The following ADGRL1 variants were observed in gnomAD, a reference collection of about 807,000 sequenced individuals.
The protein encoded by ADGRL1 is adhesion G protein-coupled receptor L1, also known as CIRL-1.
Under a neutral mutation model 148.9 loss-of-function variants are expected in ADGRL1, and 31 were observed. The observed-to-expected ratio is 0.21, with a 90% CI of 0.16 to 0.28. The LOEUF (loss-of-function observed/expected upper bound fraction) is 0.28. Among genes scored for constraint, ADGRL1 ranks in the 10% least tolerant of loss-of-function variants. The pLI, the probability that ADGRL1 is intolerant of heterozygous loss-of-function variation, is 1.00. For synonymous variants in ADGRL1, 937 were observed against 900.3 expected, an observed-to-expected ratio of 1.04 and a Z score of -0.73; for missense variants, 1,521 against 2,058.8, an observed-to-expected ratio of 0.74 and a Z score of 5.05.
At chr19:14,195,442 A>G (rs1190230692) in intron 1 of ADGRL1, among the ~76,000 whole-genome samples, 1 of 102,342 alleles carries the variant, frequency 9.8e-6, no homozygotes, top group Non-Finnish European at 1.8e-5. Flanking sequence ...TGCGTGCTCG[A>G]GTGGGTGGGA....
chr19:14,176,624 G>T (rs1352988120), intron 3 of ADGRL1, among the ~76,000 whole-genome samples: 2 of 151,960 alleles, frequency 1.3e-5, no homozygotes, highest in Non-Finnish European at 2.9e-5. Flanking sequence ...ATTGCTTGAG[G>T]CCAGGAGTTT....
chr19:14,204,241 T>C (rs1455542459), intron 1 of ADGRL1, among the ~76,000 whole-genome samples: 1 of 152,112 alleles, frequency 6.6e-6, no homozygotes, highest in Admixed American at 6.5e-5. Context: ...CATCCTACTT[T>C]TAAGTAATAA....
At chr19:14,179,039 C>G (rs1037877028) in intron 2 of ADGRL1, among the ~76,000 whole-genome samples, 6 of 151,788 alleles carry the variant, frequency 4.0e-5, no homozygotes, top group Admixed American at 2.0e-4. Flanking sequence ...CAAAAATCAG[C>G]TGGACGTGGT....
chr19:14,197,772 T>C (rs1972354584), intron 1 of ADGRL1, among the ~76,000 whole-genome samples: 1 of 152,210 alleles, frequency 6.6e-6, no homozygotes, highest in African/African-American at 2.4e-5. Flanking sequence ...AGTACCATTG[T>C]GGGTTGGGCT....
At chr19:14,204,791 T>C (rs1478579668) in intron 1 of ADGRL1, among the ~76,000 whole-genome samples, 1 of 151,884 alleles carries the variant, frequency 6.6e-6, no homozygotes, top group Non-Finnish European at 1.5e-5. Context: ...GCAGCCATTT[T>C]GAACCCCTCC....
At chr19:14,158,133 G>A (rs1968958382) in intron 12 of ADGRL1, 81 bp from the exon 13 acceptor site, 1 of 1,457,548 alleles carries the variant, frequency 6.9e-7, no homozygotes, top group Admixed American at 1.8e-5. Flanking sequence ...CCTGGCAACA[G>A]GGATGGTACC....
Position 14,160,344 on chromosome 19 carries a change from AC to A in ADGRL1, c.1615-48del. The A allele has an allele frequency of 6.5e-7, 1 of 1,535,122 alleles. No individual in the cohort carries two copies. Among genetic ancestry groups the A allele is most frequent in the Non-Finnish European group, 8.9e-7 (1 of 1,127,964 alleles). On this transcript the variant is annotated intron_variant, in intron 7 of 22. Transcript: ENST00000361434. This position sits in a 1 kb window ranked among gnomAD's most constrained non-coding sequence, Gnocchi z 5.9. Reference sequence around the variant, plus strand: ...AGGGGGAATCCCAGGACTGTCAGGGACCATCCTGCCCTCCCCGGCTTCCCTG... The same window carrying A: ...AGGGGGAATCCCAGGACTGTCAGGGACATCCTGCCCTCCCCGGCTTCCCTG...
rs749222768 is a variant in ADGRL1 at position 14,155,470 on chromosome 19, G to A, written c.3183C>T (p.Phe1061=). The change falls in exon 18 of 23, where the codon TTC becomes TTT. Residue 1061 remains phenylalanine (F), a synonymous_variant. Coordinates refer to ENST00000361434, the MANE Select transcript of ADGRL1 (RefSeq NM_014921.5). This position sits in a 1 kb window ranked among gnomAD's most constrained non-coding sequence, Gnocchi z 5.0. Reference sequence around the variant, plus strand: ...ACTCCTTGTTGATGAAGAGGAGGCCGAAAGCCCAGGTGAGGCCCAGCAGGA... The same window carrying A: ...ACTCCTTGTTGATGAAGAGGAGGCCAAAAGCCCAGGTGAGGCCCAGCAGGA... ...LLFLLGLTWA[F]GLLFINKESV... is the part of the protein sequence containing the mutation. 40 of 1,614,062 alleles carry A rather than the reference G, an allele frequency of 2.5e-5. No individual in the cohort carries two copies. Among genetic ancestry groups the A allele is most frequent in the Admixed American group, 3.3e-5 (2 of 60,024 alleles).
rs1366756076 is a variant in ADGRL1 at position 14,159,447 on chromosome 19, G to A, written c.1977C>T (p.Asp659=). Residue 659 remains aspartate (D), a synonymous_variant, in exon 10 of 23, where the codon GAC becomes GAT. Coordinates refer to ENST00000361434, the MANE Select transcript of ADGRL1 (RefSeq NM_014921.5). The surrounding 1 kb of genome is among the most constrained non-coding windows in gnomAD (Gnocchi z 6.0). ...GGAAGCGGGCAGGCTCCCTGACATTGTCGGCCAGCAGGAAGGCGCCCTCCT... is the reference window on the plus strand; with the variant it reads ...GGAAGCGGGCAGGCTCCCTGACATTATCGGCCAGCAGGAAGGCGCCCTCCT... ...VLEEGAFLLA[D]NVREPARFLA... The A allele has an allele frequency of 6.2e-7, 1 of 1,613,154 alleles. No homozygotes were observed. Among genetic ancestry groups the A allele is most frequent in the African/African-American group, 1.3e-5 (1 of 75,026 alleles).
chr19:14,187,786 C>T (rs1034331432), intron 1 of ADGRL1, among the ~76,000 whole-genome samples: 1 of 152,100 alleles, frequency 6.6e-6, no homozygotes, highest in Non-Finnish European at 1.5e-5. Context: ...TTCCTTATTT[C>T]AACTTCCTCA....
intron 15 of ADGRL1, 93 bp downstream of exon 15, chr19:14,156,832 G>A: frequency 2.0e-6 from 3 of 1,527,130 alleles, no homozygotes; most frequent in Non-Finnish European, 2.7e-6. Context: ...TCAGGAGGAG[G>A]AAGGGACTAC....
intron 1 of ADGRL1, among the ~76,000 whole-genome samples, chr19:14,188,045 T>A (rs1971695698): frequency 6.6e-6 from 1 of 152,040 alleles, no homozygotes; most frequent in South Asian, 2.1e-4. Context: ...TGCAGTAAGC[T>A]ATGATCCTGC....
chr19:14,152,231 C>T lies in ADGRL1; in HGVS notation c.3649+78G>A. 1 of 1,613,940 alleles carries T rather than the reference C, an allele frequency of 6.2e-7. No individual in the cohort carries two copies. On this transcript the variant is annotated intron_variant, in intron 21 of 22. Transcript: ENST00000361434. This position sits in a 1 kb window ranked among gnomAD's most constrained non-coding sequence, Gnocchi z 6.1. ...AAGTCCAGGCTCCAGTTCTGGGGCA[C>T]AGAACATCCCATGCAGAGGTCCCTT...
At chr19:14,189,583 C>T (rs1175220588) in intron 1 of ADGRL1, among the ~76,000 whole-genome samples, 3 of 152,172 alleles carry the variant, frequency 2.0e-5, no homozygotes, top group African/African-American at 4.8e-5. Context: ...GGCTCACCTA[C>T]GTTCTAGCCT....
intron 18 of ADGRL1, among the ~76,000 whole-genome samples, chr19:14,153,985 G>T (rs536133126): frequency 1.0e-3 from 155 of 151,836 alleles, no homozygotes; most frequent in Middle Eastern, 3.4e-3. Flanking sequence ...AAAATAAATA[G>T]ATCAGAGGAG....
chr19:14,170,828 A>G (rs1970406216), intron 3 of ADGRL1, 37 bp from the exon 4 acceptor site: 1 of 793,524 alleles, frequency 1.3e-6, no homozygotes, highest in Non-Finnish European at 2.1e-6. Flanking sequence ...AAAGAAACAC[A>G]TAGACGGGGT....
rs749511770 is a variant in ADGRL1, at chr19:14,151,115, G to A, written c.4168C>T (p.Pro1390Ser). Residue 1390 changes from proline (P) to serine (S), a missense_variant, in exon 23 of 23, where the codon CCC becomes TCC. Physicochemically the swap from Pro to Ser is moderately conservative, Grantham distance 74. Around this residue, in one of 8 missense-constraint regions of ADGRL1, gnomAD observed 390 missense variants for 375.0 expected, o/e 1.04. Coordinates refer to ENST00000361434, the MANE Select transcript of ADGRL1 (RefSeq NM_014921.5). ...TCAGGGCTGCTGTCCGGGTAGGAGGGTGAGTCCCGCAGGTTGGCCCCGCTG... is the reference window on the plus strand; with the variant it reads ...TCAGGGCTGCTGTCCGGGTAGGAGGATGAGTCCCGCAGGTTGGCCCCGCTG... ...YASGANLRDS[P>S]SYPDSSPEGP... is the part of the protein sequence containing the mutation. 14 of 1,566,248 alleles carry A rather than the reference G, an allele frequency of 8.9e-6. No individual in the cohort carries two copies. In the East Asian group the frequency reaches 1.2e-4, roughly 13 times the overall value.
At chr19:14,165,824 G>A (rs990171788) in intron 4 of ADGRL1, among the ~76,000 whole-genome samples, 2 of 152,058 alleles carry the variant, frequency 1.3e-5, no homozygotes, top group African/African-American at 4.8e-5. Flanking sequence ...CACCTCCTTC[G>A]GAAGGGATGC....
At position 14,157,776 on chromosome 19, in the gene ADGRL1, A is replaced by G. The variant is rs1968921681; in HGVS notation, c.2535+106T>C. 1.4e-6 allele frequency: 2 copies of G among 1,391,006 alleles called. No homozygotes were observed. Among genetic ancestry groups the G allele is most frequent in the Non-Finnish European group, 1.9e-6 (2 of 1,031,662 alleles). The allele number at this position is 1,391,006 out of a possible 1,614,324, so 86.2% of individuals were successfully genotyped here. On this transcript the variant is annotated intron_variant, in intron 13 of 22. Coordinates refer to ENST00000361434, the MANE Select transcript of ADGRL1 (RefSeq NM_014921.5). This position sits in a 1 kb window ranked among gnomAD's most constrained non-coding sequence, Gnocchi z 7.5. The stretch of plus-strand genomic sequence containing the variant: ...GCAAGACCAGGGGCCCCCCACACCC[A>G]TGGGGCTAGCCTCCCCTGGTACTGC...
Sources: allele counts gnomAD v4.1 joint callset (sites outside exome capture counted in the v4.1 genomes callset), GRCh38; gene constraint gnomAD v4.1.1; regional missense constraint gnomAD v4.1.1; non-coding constraint Gnocchi (gnomAD v3.1); transcripts MANE v1.5; gene names NCBI Gene and HGNC (gene_info 2026-07-23, HGNC 2026-07-21).